The following COL6A5 variants were observed in gnomAD, a reference collection of about 807,000 sequenced individuals.
COL6A5 encodes the protein collagen type VI alpha 5 chain, also known as collagen alpha-5(VI) chain.
A neutral mutation model predicts 65.6 loss-of-function variants in COL6A5; 48 were observed. The ratio of observed to expected loss-of-function variants is 0.73; its 90% CI spans 0.58 to 0.93. The LOEUF (loss-of-function observed/expected upper bound fraction) is 0.93, where lower values mean the gene tolerates loss of function less well. Ranked by LOEUF, COL6A5 falls within the 40% of genes least tolerant of loss-of-function variation. The pLI is 0.00. For missense variants in COL6A5, 914 were observed against 928.3 expected (o/e 0.98, Z 0.20); for synonymous variants, 291 against 322.8 (o/e 0.90, Z 1.05).
At chr3:130,412,312 C>T (rs1937200538) in intron 20 of COL6A5, among the ~76,000 whole-genome samples, 1 of 152,124 alleles carries the variant, frequency 6.6e-6, no homozygotes, top group Admixed American at 6.5e-5. Flanking sequence ...AAACCTTGGG[C>T]AGCTTGCCCA....
intron 13 of COL6A5, 80 bp from the exon 14 acceptor site, chr3:130,405,508 C>T (rs1936954615): frequency 9.9e-7 from 1 of 1,007,094 alleles, no homozygotes. Context: ...TGTGCTTTGT[C>T]TTAACTCTGT....
intron 20 of COL6A5, among the ~76,000 whole-genome samples, chr3:130,411,233 A>G (rs1028563133): frequency 2.6e-5 from 4 of 152,172 alleles, no homozygotes; most frequent in African/African-American, 7.2e-5. Flanking sequence ...TCTGTAGACT[A>G]CTGAAGCTGG....
chr3:130,376,648 A>T (rs757760527), exon 3 of COL6A5: 3 of 1,613,036 alleles, frequency 1.9e-6, no homozygotes, highest in Non-Finnish European at 2.5e-6. Context: ...CTGCAGAAAG[A>T]CGGGGTGAAA....
At chr3:130,363,825 T>G (rs1004201177) in intron 1 of COL6A5, among the ~76,000 whole-genome samples, 2 of 152,150 alleles carry the variant, frequency 1.3e-5, no homozygotes, top group Admixed American at 1.3e-4. Flanking sequence ...TCAATTACAC[T>G]TCAAGTTTTC....
chr3:130,363,856 G>C (rs1033960148), intron 1 of COL6A5, among the ~76,000 whole-genome samples: 2 of 152,164 alleles, frequency 1.3e-5, no homozygotes, highest in African/African-American at 4.8e-5. Flanking sequence ...ACTGGTTCCT[G>C]CAAAGGTTTC....
At chr3:130,484,090 A>G (rs1487576485) in exon 8 of COL6A5, 2 of 1,594,434 alleles carry the variant, frequency 1.3e-6, no homozygotes, top group South Asian at 1.1e-5. Flanking sequence ...ACTGACATGT[A>G]TAATCCCATG....
chr3:130,472,373 G>A (rs981874267), intron 7 of COL6A5, among the ~76,000 whole-genome samples: 3 of 152,022 alleles, frequency 2.0e-5, no homozygotes, highest in African/African-American at 7.2e-5. Flanking sequence ...GTGGGACCTG[G>A]AGAGGACAAG....
chr3:130,423,862 G>C, exon 29 of COL6A5: 1 of 1,549,844 alleles, frequency 6.5e-7, no homozygotes. Context: ...GAAAGGTGAA[G>C]AGGGATCTCG....
At chr3:130,468,979 C>T in exon 6 of COL6A5, 3 of 1,612,808 alleles carry the variant, frequency 1.9e-6, no homozygotes, top group African/African-American at 1.3e-5. Flanking sequence ...ACATTGCCCC[C>T]ACTCCACTGA....
intron 25 of COL6A5, among the ~76,000 whole-genome samples, 178 bp from the exon 26 acceptor site, chr3:130,420,975 A>G (rs1372831351): frequency 6.6e-6 from 1 of 152,096 alleles, no homozygotes; most frequent in Non-Finnish European, 1.5e-5. Context: ...TACAGGGAAC[A>G]TATCAGGGAG....
chr3:130,413,058 G>A (rs189085500), intron 20 of COL6A5, among the ~76,000 whole-genome samples: 100 of 152,202 alleles, frequency 6.6e-4, no homozygotes, highest in African/African-American at 2.3e-3. Flanking sequence ...TCTCATTCTT[G>A]CTGTTTAGGG....
chr3:130,451,191 G>A (rs533967329), intron 4 of COL6A5, among the ~76,000 whole-genome samples: 70 of 152,248 alleles, frequency 4.6e-4, no homozygotes, highest in Middle Eastern at 3.4e-3. Context: ...GGTCTAGCGC[G>A]ACCGGATAAG....
chr3:130,376,575 C>T, exon 3 of COL6A5: 1 of 1,606,060 alleles, frequency 6.2e-7, no homozygotes, highest in East Asian at 2.2e-5. Flanking sequence ...ACAGTTTCCC[C>T]CAATTTTGGT....
chr3:130,442,011 C>G (rs1241222355), intron 3 of COL6A5, among the ~76,000 whole-genome samples: 1 of 152,128 alleles, frequency 6.6e-6, no homozygotes, highest in East Asian at 1.9e-4. Flanking sequence ...TGTCTTGAGC[C>G]TTCACTCTTC....
At chr3:130,449,484 A>C (rs1559909899) in intron 4 of COL6A5, among the ~76,000 whole-genome samples, 1 of 152,138 alleles carries the variant, frequency 6.6e-6, no homozygotes, top group Non-Finnish European at 1.5e-5. Flanking sequence ...GGGCCAGTGC[A>C]AGGCAAGATA....
intron 1 of COL6A5, among the ~76,000 whole-genome samples, chr3:130,364,482 A>C (rs138279414): frequency 5.3e-5 from 8 of 152,334 alleles, no homozygotes; most frequent in African/African-American, 1.9e-4. Context: ...CAGTACAGCT[A>C]AATAGAGTAT....
intron 25 of COL6A5, among the ~76,000 whole-genome samples, chr3:130,420,690 C>T (rs1420894140): frequency 6.6e-6 from 1 of 152,128 alleles, no homozygotes; most frequent in Non-Finnish European, 1.5e-5. Flanking sequence ...GCATCCACAA[C>T]AACAGGTATT....
In COL6A5 at chr3:130,415,848, C is replaced by T. The variant is rs767076144; in HGVS notation, c.4824+141C>T. ...TGGATTATCTGGGGCAAAATTCTAGCGCAGCTCAGATTCCTCATACGTAGC... is the reference window on the plus strand; with the variant it reads ...TGGATTATCTGGGGCAAAATTCTAGTGCAGCTCAGATTCCTCATACGTAGC... On this transcript the variant is annotated intron_variant and NMD_transcript_variant, in intron 23 of 41. Coordinates refer to the COL6A5 transcript ENST00000312481. 41 of 623,226 alleles carry T rather than the reference C, an allele frequency of 6.6e-5. No individual in the cohort carries two copies. The South Asian group carries it at 1.1e-3, about 17-fold the overall frequency. The allele number at this position is 623,226 out of a possible 1,614,324, so 38.6% of individuals were successfully genotyped here.
At chr3:130,459,725 A>ATT (rs113030527) in intron 5 of COL6A5, among the ~76,000 whole-genome samples, 1 of 150,100 alleles carries the variant, frequency 6.7e-6, no homozygotes, top group East Asian at 2.0e-4. Context: ...ATTCTACTAT[A>ATT]TTTTTTTTTT....
Sources: allele counts gnomAD v4.1 joint callset (sites outside exome capture counted in the v4.1 genomes callset), GRCh38; gene constraint gnomAD v4.1.1; transcripts MANE v1.5; gene names NCBI Gene and HGNC (gene_info 2026-07-23, HGNC 2026-07-21).